Variants in SLC24A2 observed in about 807,000 individuals in gnomAD.
The protein encoded by SLC24A2 is sodium/potassium/calcium exchanger 2.
In SLC24A2, 36 loss-of-function variants were observed where a neutral mutation model predicts 62.0. The ratio of observed to expected loss-of-function variants is 0.58; its 90% CI spans 0.44 to 0.77. The LOEUF is 0.77. Ranked by LOEUF, SLC24A2 falls within the 30% of genes least tolerant of loss-of-function variation. The pLI, the probability that SLC24A2 is intolerant of heterozygous loss-of-function variation, is 0.00. For missense variants in SLC24A2, 846 were observed against 817.9 expected, an observed-to-expected ratio of 1.03 and a Z score of -0.42; for synonymous variants, 358 against 294.0, an observed-to-expected ratio of 1.22 and a Z score of -2.23.
intron 2 of SLC24A2, among the ~76,000 whole-genome samples, chr9:19,679,417 T>A (rs1217454207): frequency 2.0e-5 from 3 of 152,094 alleles, no homozygotes; most frequent in Non-Finnish European, 4.4e-5. Flanking sequence ...GGCTGGACAA[T>A]CATAATAAAT....
the SLC24A2 span, among the ~76,000 whole-genome samples, chr9:20,283,123 C>T: frequency 6.6e-6 from 1 of 152,126 alleles, no homozygotes; most frequent in East Asian, 1.9e-4. Flanking sequence ...TGGATATTAC[C>T]ACTTAGAAAA....
chr9:19,714,748 C>A (rs1306246241), intron 2 of SLC24A2, among the ~76,000 whole-genome samples: 1 of 152,048 alleles, frequency 6.6e-6, no homozygotes, highest in African/African-American at 2.4e-5. Flanking sequence ...CACAGTTATC[C>A]ATTTTTCCCC....
chr9:19,607,617 G>A (rs1168082471), intron 4 of SLC24A2, among the ~76,000 whole-genome samples: 1 of 151,664 alleles, frequency 6.6e-6, no homozygotes, highest in East Asian at 1.9e-4. Context: ...TACTTGAGAG[G>A]CTGAGGCAGG....
chr9:20,041,526 G>A, the SLC24A2 span, among the ~76,000 whole-genome samples: 1 of 152,152 alleles, frequency 6.6e-6, no homozygotes, highest in Non-Finnish European at 1.5e-5. Context: ...CCAGGACAGG[G>A]GTTTTGTTTC....
chr9:20,138,635 C>T, the SLC24A2 span, among the ~76,000 whole-genome samples: 3 of 152,208 alleles, frequency 2.0e-5, no homozygotes, highest in Non-Finnish European at 4.4e-5. Context: ...GCGATTCCTC[C>T]TCTATCCCAG....
chr9:19,926,567 G>A, the SLC24A2 span: 7 of 151,104 alleles, frequency 4.6e-5, no homozygotes, highest in Non-Finnish European at 8.8e-5. Flanking sequence ...TGCTGTTTAT[G>A]CAGGTATAAA....
At chr9:20,189,695 A>G in the SLC24A2 span, among the ~76,000 whole-genome samples, 2 of 152,210 alleles carry the variant, frequency 1.3e-5, no homozygotes, top group African/African-American at 2.4e-5. Flanking sequence ...TCTAGATGCC[A>G]GAGAATCCCA....
chr9:20,125,116 G>A, the SLC24A2 span, among the ~76,000 whole-genome samples: 1 of 152,152 alleles, frequency 6.6e-6, no homozygotes, highest in Non-Finnish European at 1.5e-5. Context: ...CAGTTCATAA[G>A]AGTTCCTTTA....
At chr9:20,186,859 C>T in the SLC24A2 span, among the ~76,000 whole-genome samples, 1 of 152,124 alleles carries the variant, frequency 6.6e-6, no homozygotes, top group Non-Finnish European at 1.5e-5. Context: ...TTATAATTTT[C>T]CTTTAGCAAT....
the SLC24A2 span, among the ~76,000 whole-genome samples, chr9:20,048,917 TATGTA>T: frequency 1.6e-4 from 25 of 151,520 alleles, no homozygotes; most frequent in Admixed American, 1.6e-3. Context: ...TTTATTTATT[TATGTA>T]TTTTTTATTT....
chr9:20,163,991 T>C, the SLC24A2 span, among the ~76,000 whole-genome samples: 1 of 152,142 alleles, frequency 6.6e-6, no homozygotes, highest in Non-Finnish European at 1.5e-5. Context: ...TCAAGATGGA[T>C]TAAAGACTTA....
intron 2 of SLC24A2, among the ~76,000 whole-genome samples, chr9:19,651,521 G>C (rs571251290): frequency 1.3e-5 from 2 of 152,248 alleles, no homozygotes; most frequent in South Asian, 4.2e-4. Flanking sequence ...TAGACAGCAA[G>C]GAAATATGGT....
the SLC24A2 span, among the ~76,000 whole-genome samples, chr9:19,815,606 C>A: frequency 6.6e-6 from 1 of 152,018 alleles, no homozygotes; most frequent in African/African-American, 2.4e-5. Context: ...GGAACCTATC[C>A]CTAGAAAAAT....
At chr9:19,690,170 T>C (rs1820002949) in intron 2 of SLC24A2, among the ~76,000 whole-genome samples, 2 of 152,056 alleles carry the variant, frequency 1.3e-5, no homozygotes, top group Non-Finnish European at 2.9e-5. Context: ...TTTATACATG[T>C]AGCTTTATAC....
At chr9:19,517,181 C>T (rs551694119) in intron 10 of SLC24A2, among the ~76,000 whole-genome samples, 1 of 152,276 alleles carries the variant, frequency 6.6e-6, no homozygotes, top group East Asian at 1.9e-4. Context: ...ACACCACAAG[C>T]ATTGACTAGA....
At chr9:20,123,216 T>C in the SLC24A2 span, among the ~76,000 whole-genome samples, 107 of 152,270 alleles carry the variant, frequency 7.0e-4, 3 homozygotes, top group South Asian at 0.011. Flanking sequence ...AAGCTAGCTC[T>C]GTGGGGTCCC....
At chr9:19,548,732 C>G (rs1834700062) in intron 8 of SLC24A2, among the ~76,000 whole-genome samples, 1 of 152,186 alleles carries the variant, frequency 6.6e-6, no homozygotes, top group Non-Finnish European at 1.5e-5. Context: ...GCTCTCCTCC[C>G]TGTGCAGTCC....
chr9:20,097,899 C>G, the SLC24A2 span, among the ~76,000 whole-genome samples: 5 of 151,468 alleles, frequency 3.3e-5, no homozygotes, highest in Non-Finnish European at 7.4e-5. Context: ...CTCGACACCA[C>G]GCCGGGCTAA....
intron 2 of SLC24A2, among the ~76,000 whole-genome samples, chr9:19,707,273 G>A (rs201017393): frequency 2.6e-5 from 4 of 151,062 alleles, no homozygotes; most frequent in South Asian, 2.1e-4. Flanking sequence ...AATAGCTTAC[G>A]AACCAAAAAA....
Sources: gnomAD v4.1 joint callset for allele counts (sites outside exome capture counted in the v4.1 genomes callset) on GRCh38, gnomAD v4.1.1 for gene constraint, MANE v1.5 for transcripts, NCBI Gene and HGNC (gene_info 2026-07-23, HGNC 2026-07-21) for gene names.